SENP6: variants seen among roughly 807,000 people sequenced by gnomAD.
SENP6 encodes SUMO specific peptidase 6.
A neutral mutation model predicts 134.5 loss-of-function variants in SENP6; 41 were observed. The observed-to-expected ratio is 0.30, with a 90% CI of 0.24 to 0.40. The LOEUF (loss-of-function observed/expected upper bound fraction) is 0.40, where lower values mean the gene tolerates loss of function less well. SENP6 is among the 10% of genes least tolerant of loss of function. The probability of loss-of-function intolerance (pLI) is 1.00; values close to 1 mark genes in which losing one functional copy is unlikely to be tolerated. For missense variants in SENP6, 1,248 were observed against 1,312.5 expected, an observed-to-expected ratio of 0.95 and a Z score of 0.76; for synonymous variants, 395 against 429.8, an observed-to-expected ratio of 0.92 and a Z score of 1.00.
At chr6:75,681,933 T>G (rs555684777) in intron 16 of SENP6, among the ~76,000 whole-genome samples, 1 of 151,284 alleles carries the variant, frequency 6.6e-6, no homozygotes, top group Non-Finnish European at 1.5e-5. Context: ...AATACAAAAC[T>G]GAAATAATGA....
At chr6:75,675,690 T>C (rs1490541513) in intron 12 of SENP6, 170 bp from the exon 13 acceptor site, 2 of 808,338 alleles carry the variant, frequency 2.5e-6, no homozygotes, top group South Asian at 3.3e-5. Flanking sequence ...TAAAAAAGTT[T>C]CTTTAAGGCA....
At chr6:75,651,391 T>C (rs570354698) in intron 7 of SENP6, among the ~76,000 whole-genome samples, 1 of 152,332 alleles carries the variant, frequency 6.6e-6, no homozygotes, top group Non-Finnish European at 1.5e-5. Context: ...TCTTGCTCTA[T>C]TACCCAGGCT....
chr6:75,661,736 A>G (rs533929236), intron 8 of SENP6, among the ~76,000 whole-genome samples: 2 of 152,270 alleles, frequency 1.3e-5, no homozygotes, highest in Admixed American at 6.5e-5. Flanking sequence ...ATTCTACACT[A>G]TGTACCACTT....
chr6:75,622,026 G>A (rs1768312390), intron 2 of SENP6, among the ~76,000 whole-genome samples: 1 of 152,150 alleles, frequency 6.6e-6, no homozygotes, highest in South Asian at 2.1e-4. Context: ...AAATACTACA[G>A]TATCTTTCTT....
At chr6:75,661,219 G>T (rs1562018642) in intron 8 of SENP6, among the ~76,000 whole-genome samples, 1 of 152,130 alleles carries the variant, frequency 6.6e-6, no homozygotes, top group African/African-American at 2.4e-5. Flanking sequence ...TTGCATGTTT[G>T]TAACTCCCTT....
intron 19 of SENP6, among the ~76,000 whole-genome samples, chr6:75,706,363 G>A (rs1463845597): frequency 6.6e-6 from 1 of 152,074 alleles, no homozygotes; most frequent in Non-Finnish European, 1.5e-5. Context: ...TTTCAGTGTG[G>A]CTTTTTAAAG....
intron 18 of SENP6, chr6:75,698,059 TTG>T (rs1377071512): frequency 1.3e-5 from 2 of 152,280 alleles, no homozygotes; most frequent in Non-Finnish European, 2.9e-5. Context: ...TAAAAGTTTT[TTG>T]TGTTTTATTC....
chr6:75,654,642 T>TA (rs1408000819), intron 7 of SENP6, among the ~76,000 whole-genome samples: 3 of 152,202 alleles, frequency 2.0e-5, no homozygotes, highest in Non-Finnish European at 4.4e-5. Context: ...TGAAAAATTA[T>TA]AAAAAATAAT....
At chr6:75,652,884 C>T (rs1350925496) in intron 7 of SENP6, among the ~76,000 whole-genome samples, 1 of 152,058 alleles carries the variant, frequency 6.6e-6, no homozygotes, top group Non-Finnish European at 1.5e-5. Flanking sequence ...ATCTTACTTA[C>T]ATGATTAATG....
At chr6:75,653,986 G>T (rs1003873956) in intron 7 of SENP6, among the ~76,000 whole-genome samples, 3 of 152,150 alleles carry the variant, frequency 2.0e-5, no homozygotes, top group Non-Finnish European at 4.4e-5. Context: ...CACTTTGGGA[G>T]GCCAGGGTGG....
chr6:75,689,729 T>C (rs528957428), intron 16 of SENP6, among the ~76,000 whole-genome samples: 49 of 152,268 alleles, frequency 3.2e-4, no homozygotes, highest in Admixed American at 1.5e-3. Context: ...TACGGTAACA[T>C]ACTATACAGG....
In SENP6 at chr6:75,676,874, G is replaced by GATTGTTGTGTATCCACTGTATGTCAGAC; in HGVS notation, c.1622-146_1622-119dup. The GATTGTTGTGTATCCACTGTATGTCAGAC allele has an allele frequency of 7.2e-6, 4 of 552,558 alleles. No homozygotes were observed. In the South Asian group the frequency reaches 1.0e-4, roughly 14 times the overall value. 34.2% of individuals were successfully genotyped at this position (552,558 alleles called of 1,614,324 possible). On this transcript the variant is annotated intron_variant, in intron 13 of 23. Transcript: ENST00000447266. ...TGTAACACATACTGGTCTTTCCAGT[G>GATTGTTGTGTATCCACTGTATGTCAGAC]ATTGTTGTGTATCCACTGTATGTCA... is the stretch of plus-strand genomic sequence containing the variant.
Position 75,634,671 on chromosome 6 carries a change from C to T in SENP6, c.354-36C>T, listed in dbSNP as rs187652360. On this transcript the variant is annotated intron_variant, in intron 4 of 23. Transcript: ENST00000447266. The stretch of plus-strand genomic sequence containing the variant: ...TTTATAAATGTGTATATAATTTTTC[C>T]GTGTTCAAGTTATTTTTTGTTTCTT... The T allele has an allele frequency of 1.7e-3, 2,012 of 1,187,780 alleles. 1 individual carries two copies. Among genetic ancestry groups the T allele is most frequent in the Admixed American group, 2.8e-3 (109 of 39,312 alleles). 73.6% of individuals were successfully genotyped at this position (1,187,780 alleles called of 1,614,324 possible). A position where few individuals can be genotyped will look rare whatever the true frequency, so the allele number is the denominator to read the frequency against.
At chr6:75,662,703 C>T (rs1771880766) in intron 8 of SENP6, among the ~76,000 whole-genome samples, 1 of 152,114 alleles carries the variant, frequency 6.6e-6, no homozygotes, top group South Asian at 2.1e-4. Flanking sequence ...TAGCTCAGAA[C>T]ATACTTCTGT....
At chr6:75,709,744 AAGATCTCTTGAGCCTAGGAGTTTGAGTT>A (rs1394710496) in intron 20 of SENP6, 114 bp downstream of exon 20, 11 of 629,922 alleles carry the variant, frequency 1.7e-5, no homozygotes, top group Non-Finnish European at 3.0e-5. Flanking sequence ...CTAAGGCAGA[AAGATCTCTTGAGCCTAGGAGTTTGAGTT>A]CAGCCTGGGC....
rs564355950 is a variant in SENP6 at position 75,669,570 on chromosome 6, A to G, written c.1225-983A>G. On this transcript the variant is annotated intron_variant, in intron 10 of 23. Transcript: ENST00000447266. ...ATTGTTTTATTCTTGTGATGATAAT[A>G]AAGATACTAATATAATTACTTGTAA... Among the ~76,000 whole-genome samples, 21 of 152,292 alleles carry G rather than the reference A, an allele frequency of 1.4e-4. No individual in the cohort carries two copies. The South Asian group carries it at 4.1e-3, about 30-fold the overall frequency.
At chr6:75,685,786 A>C (rs1773796684) in intron 16 of SENP6, among the ~76,000 whole-genome samples, 1 of 152,116 alleles carries the variant, frequency 6.6e-6, no homozygotes, top group African/African-American at 2.4e-5. Context: ...CTATTCTTTT[A>C]CATTTGCTGA....
chr6:75,664,570 T>C (rs979405859), intron 9 of SENP6, among the ~76,000 whole-genome samples: 2 of 152,172 alleles, frequency 1.3e-5, no homozygotes, highest in Non-Finnish European at 2.9e-5. Flanking sequence ...TCTCAAATGC[T>C]ATATATGTAA....
chr6:75,611,702 G>A (rs1399363403), intron 1 of SENP6: 1 of 152,186 alleles, frequency 6.6e-6, no homozygotes, highest in East Asian at 1.9e-4. Flanking sequence ...ATTTTTAAGA[G>A]ATTGTGTATT....
Sources: allele counts gnomAD v4.1 joint callset (sites outside exome capture counted in the v4.1 genomes callset), GRCh38; gene constraint gnomAD v4.1.1; transcripts MANE v1.5; gene names NCBI Gene and HGNC (gene_info 2026-07-23, HGNC 2026-07-21).